Variants in LRP1B observed in about 807,000 individuals in gnomAD.
The protein encoded by LRP1B is LDL receptor related protein 1B, also known as low-density lipoprotein receptor-related protein 1B.
LRP1B carries 217 observed loss-of-function variants against 556.6 expected under a neutral mutation model. The observed-to-expected ratio is 0.39, with a 90% CI of 0.35 to 0.44. The LOEUF (loss-of-function observed/expected upper bound fraction) is 0.44, where lower values mean the gene tolerates loss of function less well. Ranked by LOEUF, LRP1B falls within the 20% of genes least tolerant of loss-of-function variation. LRP1B has a pLI of 1.00. For synonymous variants in LRP1B, 2,047 were observed against 1,865.8 expected (o/e 1.10, Z -2.50); for missense variants, 5,053 against 5,620.8 (o/e 0.90, Z 3.23).
At position 140,702,460 on chromosome 2, in the gene LRP1B, T is replaced by A. The variant is rs2105430299; in HGVS notation, c.6117A>T (p.Ile2039=). 1 of 1,613,624 alleles carries A rather than the reference T, an allele frequency of 6.2e-7. No individual in the cohort carries two copies. ...CGATGGAGATGCCATTCGGCCATGC[T>A]ATTCCCATGCTTACAAGGACAACCT... ...SEKVVLVSMG[I]AWPNGISIDY... The change falls in exon 38 of 91, where the codon ATA becomes ATT. Residue 2039 remains isoleucine, a synonymous_variant. Coordinates refer to ENST00000389484, the MANE Select transcript of LRP1B (RefSeq NM_018557.3).
At chr2:140,763,054 T>C (rs1265237243) in intron 35 of LRP1B, among the ~76,000 whole-genome samples, 2 of 152,078 alleles carry the variant, frequency 1.3e-5, no homozygotes, top group African/African-American at 4.8e-5. Flanking sequence ...AGTATCAGAG[T>C]ATGGAGTAAT....
At position 140,297,915 on chromosome 2, in the gene LRP1B, G is replaced by A. The variant is rs373061119; in HGVS notation, c.12860C>T (p.Thr4287Ile). The change falls in exon 84 of 91, where the codon ACA (threonine) becomes ATA (isoleucine). Residue 4287 changes from threonine (T) to isoleucine (I), a missense_variant. This residue lies in a region of LRP1B where 551 missense variants were observed against 592.0 expected (regional missense o/e 0.93). Transcript: ENST00000389484. Reference sequence around the variant, plus strand: ...ATTTTGACAAAAATCCTCACAGACTGTCTTACCACAGTTTGGCCCAGTGAA... The same window carrying A: ...ATTTTGACAAAAATCCTCACAGACTATCTTACCACAGTTTGGCCCAGTGAA... ...LGFTGPNCGK[T>I]VCEDFCQNGG... is the part of the protein sequence containing the mutation. The A allele has an allele frequency of 8.1e-6, 13 of 1,613,894 alleles. No individual in the cohort carries two copies. Among genetic ancestry groups the A allele is most frequent in the Non-Finnish European group, 1.1e-5 (13 of 1,179,836 alleles).
At chr2:140,551,762 G>A (rs1456302012) in intron 43 of LRP1B, among the ~76,000 whole-genome samples, 1 of 152,044 alleles carries the variant, frequency 6.6e-6, no homozygotes, top group East Asian at 1.9e-4. Flanking sequence ...GAAAAGTGAA[G>A]AACCCAATTA....
At chr2:141,762,854 C>T (rs1042193258) in intron 2 of LRP1B, among the ~76,000 whole-genome samples, 5 of 152,164 alleles carry the variant, frequency 3.3e-5, no homozygotes, top group Admixed American at 2.0e-4. Context: ...CTGAGATAGG[C>T]TTCACAGGAA....
At chr2:141,807,932 G>C (rs550922702) in intron 2 of LRP1B, among the ~76,000 whole-genome samples, 16 of 152,168 alleles carry the variant, frequency 1.1e-4, no homozygotes, top group Non-Finnish European at 1.8e-4. Context: ...GTGGACATAG[G>C]AGGATGGCAG....
At chr2:141,491,664 G>A (rs970354448) in intron 2 of LRP1B, among the ~76,000 whole-genome samples, 1 of 152,064 alleles carries the variant, frequency 6.6e-6, no homozygotes, top group South Asian at 2.1e-4. Context: ...GAGGAAAGGG[G>A]TCTTACTGCT....
At chr2:141,809,988 C>T (rs776291549) in intron 2 of LRP1B, among the ~76,000 whole-genome samples, 2 of 151,428 alleles carry the variant, frequency 1.3e-5, no homozygotes, top group Non-Finnish European at 2.9e-5. Flanking sequence ...TTCTTCCTTT[C>T]ATAAGTTAAT....
intron 7 of LRP1B, among the ~76,000 whole-genome samples, chr2:141,136,652 T>C (rs73962824): frequency 0.085 from 12,791 of 150,458 alleles, 951 homozygotes; most frequent in African/African-American, 0.2. Flanking sequence ...AAAAATACTC[T>C]GATCTGATGG....
At chr2:141,074,569 G>GTCTCTGTC (rs1553456109) in intron 7 of LRP1B, among the ~76,000 whole-genome samples, 1 of 136,308 alleles carries the variant, frequency 7.3e-6, no homozygotes, top group Non-Finnish European at 1.6e-5. Flanking sequence ...CTGTCTCTCT[G>GTCTCTGTC]TCTCTCTCTC....
chr2:140,256,603 G>A, intron 86 of LRP1B, among the ~76,000 whole-genome samples: 1 of 150,188 alleles, frequency 6.7e-6, no homozygotes, highest in East Asian at 2.0e-4. Flanking sequence ...TGAGTAGCTG[G>A]GACTACAGGC....
intron 35 of LRP1B, among the ~76,000 whole-genome samples, chr2:140,727,284 G>C (rs896866313): frequency 1.3e-5 from 2 of 152,078 alleles, no homozygotes; most frequent in Admixed American, 6.6e-5. Flanking sequence ...TATTTTTATG[G>C]CACAATAATT....
intron 77 of LRP1B, among the ~76,000 whole-genome samples, chr2:140,350,426 A>C (rs1026641826): frequency 6.6e-6 from 1 of 152,036 alleles, no homozygotes; most frequent in Non-Finnish European, 1.5e-5. Context: ...TTATCCCTGC[A>C]TTACGCTACT....
At chr2:140,314,694 A>G (rs150667263) in intron 83 of LRP1B, among the ~76,000 whole-genome samples, 21 of 152,260 alleles carry the variant, frequency 1.4e-4, no homozygotes, top group African/African-American at 4.8e-4. Flanking sequence ...CAAATTATCT[A>G]TAAACACTGA....
chr2:141,079,763 A>G (rs1699879333), intron 7 of LRP1B, among the ~76,000 whole-genome samples: 1 of 152,182 alleles, frequency 6.6e-6, no homozygotes, highest in African/African-American at 2.4e-5. Flanking sequence ...CTATGTAAAA[A>G]CTTCGTCAAA....
intron 1 of LRP1B, among the ~76,000 whole-genome samples, chr2:141,995,532 A>G (rs1362973730): frequency 1.3e-5 from 2 of 152,116 alleles, no homozygotes; most frequent in East Asian, 3.8e-4. Flanking sequence ...TGCTATCTTA[A>G]TTCCCTTTTA....
At chr2:140,854,060 T>TAAAAAAAAAAA (rs33945219) in intron 27 of LRP1B, among the ~76,000 whole-genome samples, 3 of 108,832 alleles carry the variant, frequency 2.8e-5, no homozygotes, top group African/African-American at 6.6e-5. Flanking sequence ...CATATCTGAA[T>TAAAAAAAAAAA]AAAAAAAAAA....
intron 42 of LRP1B, among the ~76,000 whole-genome samples, chr2:140,600,233 G>A (rs1682600225): frequency 6.6e-6 from 1 of 151,988 alleles, no homozygotes; most frequent in Non-Finnish European, 1.5e-5. Context: ...TTCCTACTGT[G>A]GGACATTTAT....
chr2:140,925,410 G>A (rs1164968536), intron 20 of LRP1B, among the ~76,000 whole-genome samples: 1 of 152,136 alleles, frequency 6.6e-6, no homozygotes, highest in Admixed American at 6.6e-5. Flanking sequence ...ATCACTCTAT[G>A]GTGAAGAGCC....
intron 66 of LRP1B, among the ~76,000 whole-genome samples, chr2:140,441,453 C>T (rs933693320): frequency 6.6e-6 from 1 of 152,118 alleles, no homozygotes; most frequent in Non-Finnish European, 1.5e-5. Context: ...TTTTATGATA[C>T]TGTGGTAAGC....
Sources: allele counts gnomAD v4.1 joint callset (sites outside exome capture counted in the v4.1 genomes callset), GRCh38; gene constraint gnomAD v4.1.1; regional missense constraint gnomAD v4.1.1; transcripts MANE v1.5; gene names NCBI Gene and HGNC (gene_info 2026-07-23, HGNC 2026-07-21).